Variants in CAST observed in about 807,000 individuals in gnomAD.
CAST encodes calpastatin, also known as MIR583 host.
CAST carries 76 observed loss-of-function variants against 119.6 expected under a neutral mutation model. That is an observed-to-expected ratio of 0.64 (90% confidence interval 0.53 to 0.77). The LOEUF is 0.77. Ranked by LOEUF, CAST falls within the 30% of genes least tolerant of loss-of-function variation. The pLI is 0.00. For synonymous variants in CAST, 319 were observed against 331.6 expected, an observed-to-expected ratio of 0.96 and a Z score of 0.41; for missense variants, 953 against 946.5, an observed-to-expected ratio of 1.01 and a Z score of -0.09.
chr5:96,656,226 T>A (rs1748156930), intron 1 of CAST, among the ~76,000 whole-genome samples: 1 of 152,254 alleles, frequency 6.6e-6, no homozygotes, highest in African/African-American at 2.4e-5. Flanking sequence ...AGAACTTTAC[T>A]TAAGAACAAT....
the CAST span, among the ~76,000 whole-genome samples, chr5:96,142,162 C>T: frequency 6.6e-6 from 1 of 152,154 alleles, no homozygotes; most frequent in South Asian, 2.1e-4. Flanking sequence ...CCTGTAATCC[C>T]AGTACTCTGG....
intron 1 of CAST, among the ~76,000 whole-genome samples, chr5:96,597,735 TC>T (rs1201493074): frequency 2.0e-5 from 3 of 152,196 alleles, no homozygotes; most frequent in East Asian, 3.8e-4. Flanking sequence ...CAAATAATTA[TC>T]GTGTCTCCTC....
chr5:96,498,045 G>A, the CAST span, among the ~76,000 whole-genome samples: 39 of 152,326 alleles, frequency 2.6e-4, no homozygotes, highest in Admixed American at 2.6e-4. Flanking sequence ...TGTATAAGGT[G>A]TAAGAAAGGG....
chr5:96,315,892 T>C, the CAST span, among the ~76,000 whole-genome samples: 38,734 of 152,078 alleles, frequency 0.25, 5,664 homozygotes, highest in Admixed American at 0.39. Context: ...GGTTGACAGA[T>C]CCAGCTGAGC....
the CAST span, among the ~76,000 whole-genome samples, chr5:96,468,122 T>C: frequency 6.6e-6 from 1 of 152,010 alleles, no homozygotes; most frequent in Non-Finnish European, 1.5e-5. Flanking sequence ...GTGAAGTAAC[T>C]CAAGAATGAA....
the CAST span, chr5:96,416,155 C>T: frequency 2.1e-6 from 3 of 1,408,992 alleles, no homozygotes; most frequent in African/African-American, 2.8e-5. Flanking sequence ...ATAAAACATA[C>T]AGAAGAACAA....
intron 1 of CAST, among the ~76,000 whole-genome samples, chr5:96,556,077 G>A (rs577135246): frequency 1.7e-4 from 26 of 152,322 alleles, no homozygotes; most frequent in African/African-American, 5.5e-4. Flanking sequence ...TGCAGCCTCC[G>A]CTGCTTATAC....
At chr5:96,431,548 T>C in the CAST span, among the ~76,000 whole-genome samples, 2 of 152,176 alleles carry the variant, frequency 1.3e-5, no homozygotes, top group Non-Finnish European at 1.5e-5. Context: ...CTCTTATTCC[T>C]CAGCCCCTAA....
At chr5:95,973,003 C>T in the CAST span, 2 of 152,242 alleles carry the variant, frequency 1.3e-5, no homozygotes, top group Non-Finnish European at 2.9e-5. Context: ...CTTGTTCATT[C>T]TCTCAGCTAA....
the CAST span, among the ~76,000 whole-genome samples, chr5:96,479,419 C>G: frequency 1.3e-5 from 2 of 150,378 alleles, no homozygotes; most frequent in Non-Finnish European, 2.9e-5. Context: ...CAAAAAATAT[C>G]TAGTGAGTAA....
At chr5:96,525,657 C>T (rs182997717), upstream of CAST, among the ~76,000 whole-genome samples, 18 of 152,130 alleles carry the variant, frequency 1.2e-4, no homozygotes, top group Admixed American at 7.8e-4. Context: ...AATTGTAATC[C>T]GGTGTTTCTG....
At chr5:96,289,378 T>A in the CAST span, among the ~76,000 whole-genome samples, 7 of 152,138 alleles carry the variant, frequency 4.6e-5, 1 homozygote, top group East Asian at 1.3e-3. Flanking sequence ...GAATTGTAGT[T>A]CCCATAATGC....
chr5:96,245,721 A>G, the CAST span, among the ~76,000 whole-genome samples: 8 of 152,140 alleles, frequency 5.3e-5, no homozygotes, highest in Non-Finnish European at 1.2e-4. Flanking sequence ...AAGGTTCTGC[A>G]TATTCAAATC....
the CAST span, among the ~76,000 whole-genome samples, chr5:96,205,540 C>T: frequency 6.6e-6 from 1 of 152,030 alleles, no homozygotes; most frequent in Non-Finnish European, 1.5e-5. Flanking sequence ...ATGTTTAGCT[C>T]CCACTTATAA....
At chr5:95,961,659 C>G in the CAST span, 1 of 1,609,948 alleles carries the variant, frequency 6.2e-7, no homozygotes, top group Non-Finnish European at 8.5e-7. Context: ...CCTGCCCCAG[C>G]CGTCCGCACG....
intron 25 of CAST, among the ~76,000 whole-genome samples, chr5:96,764,371 G>C (rs185887542): frequency 7.2e-5 from 11 of 152,264 alleles, no homozygotes; most frequent in Admixed American, 7.2e-4. Context: ...GAATCATACA[G>C]TAAATAAATG....
chr5:96,714,810 A>T (rs976566972), intron 3 of CAST: 1 of 152,190 alleles, frequency 6.6e-6, no homozygotes, highest in Non-Finnish European at 1.5e-5. Context: ...TTATTATCCC[A>T]TAAAAAAGCA....
chr5:96,081,090 C>G, the CAST span, among the ~76,000 whole-genome samples: 1 of 152,128 alleles, frequency 6.6e-6, no homozygotes, highest in Non-Finnish European at 1.5e-5. Flanking sequence ...GATAAATCAC[C>G]CCCAAGCTTC....
At chr5:96,152,884 G>A in the CAST span, among the ~76,000 whole-genome samples, 7 of 152,308 alleles carry the variant, frequency 4.6e-5, no homozygotes, top group South Asian at 2.1e-4. Flanking sequence ...GTGAGGAACC[G>A]ATCTCCAAAA....
Sources: gnomAD v4.1 joint callset for allele counts (sites outside exome capture counted in the v4.1 genomes callset) on GRCh38, gnomAD v4.1.1 for gene constraint, MANE v1.5 for transcripts, NCBI Gene and HGNC (gene_info 2026-07-23, HGNC 2026-07-21) for gene names.